Variants in PRKCZ observed in about 807,000 individuals in gnomAD.
PRKCZ encodes the protein protein kinase C zeta type.
A neutral mutation model predicts 79.5 loss-of-function variants in PRKCZ; 33 were observed. The observed-to-expected ratio is 0.41, with a 90% CI of 0.31 to 0.55. The LOEUF is 0.55. Ranked by LOEUF, PRKCZ falls within the 20% of genes least tolerant of loss-of-function variation. The pLI, the probability that PRKCZ is intolerant of heterozygous loss-of-function variation, is 0.19. For missense variants in PRKCZ, 578 were observed against 813.5 expected (o/e 0.71, Z 3.52); for synonymous variants, 342 against 320.9 (o/e 1.07, Z -0.70).
In PRKCZ at chr1:2,055,465, C is replaced by T. The variant is rs765678066; in HGVS notation, c.96C>T (p.Asp32=). 3.0e-5 allele frequency: 49 copies of T among 1,613,478 alleles called. No homozygotes were observed. Among genetic ancestry groups the T allele is most frequent in the Middle Eastern group, 1.6e-4 (1 of 6,080 alleles). The change falls in exon 2 of 18, where the codon GAC becomes GAT. Residue 32 remains aspartate (D), a synonymous_variant. Transcript: ENST00000378567. ...GGGACATCTTCATCACCAGCGTGGA[C>T]GCCGCCACGACCTTCGAGGAGCTCT... ...YGGDIFITSV[D]AATTFEELCE... is the part of the protein sequence containing the mutation.
intron 4 of PRKCZ, chr1:2,098,558 G>A (rs1666920827): frequency 8.8e-6 from 1 of 114,228 alleles, no homozygotes; most frequent in South Asian, 2.8e-4. Context: ...TGAGGCTGGT[G>A]AGAGGGTGCC....
chr1:2,099,574 C>T (rs527831229), intron 4 of PRKCZ, among the ~76,000 whole-genome samples: 6 of 152,246 alleles, frequency 3.9e-5, no homozygotes, highest in South Asian at 2.1e-4. Context: ...GGACTGTACC[C>T]GGAGGGAGGG....
At chr1:2,091,433 A>G (rs1056733983) in intron 4 of PRKCZ, among the ~76,000 whole-genome samples, 2 of 152,234 alleles carry the variant, frequency 1.3e-5, no homozygotes, top group African/African-American at 4.8e-5. Context: ...TTCATGCTGC[A>G]CAGCCAATCT....
chr1:2,142,625 T>C, intron 5 of PRKCZ: 1 of 209,706 alleles, frequency 4.8e-6, no homozygotes, highest in South Asian at 5.5e-5. Flanking sequence ...GGTGTGGCTC[T>C]GTCATGGCTG....
intron 3 of PRKCZ, among the ~76,000 whole-genome samples, chr1:2,058,274 AT>A (rs1267533389): frequency 6.8e-6 from 1 of 148,088 alleles, no homozygotes; most frequent in African/African-American, 2.5e-5. Flanking sequence ...AAGTGTTGGG[AT>A]TACAGGCGTG....
intron 4 of PRKCZ, among the ~76,000 whole-genome samples, chr1:2,087,703 A>C (rs1664771958): frequency 6.6e-6 from 1 of 151,888 alleles, no homozygotes; most frequent in African/African-American, 2.4e-5. Flanking sequence ...AATGAATAAC[A>C]GGTGGTTTTG....
At chr1:2,079,795 G>A (rs964990092) in intron 4 of PRKCZ, among the ~76,000 whole-genome samples, 1 of 152,112 alleles carries the variant, frequency 6.6e-6, no homozygotes, top group African/African-American at 2.4e-5. Context: ...GCGGCTTCCT[G>A]GGCCCCTGGT....
rs550986963 is a variant in PRKCZ, at chr1:2,102,160, A to G, written c.335-33102A>G. On this transcript the variant is annotated intron_variant, in intron 4 of 17. Transcript: ENST00000378567. ...GGAGCAGCCACATGCCAGAGCGGGT[A>G]GGCAGCCCCTGGTGCCTGCCTGGCC... Among the ~76,000 whole-genome samples, 245 of 152,254 alleles carry G rather than the reference A, an allele frequency of 1.6e-3. 1 individual carries two copies. Among genetic ancestry groups the G allele is most frequent in the African/African-American group, 5.4e-3 (223 of 41,556 alleles).
At chr1:2,074,143 G>A (rs1038413089) in intron 4 of PRKCZ, 2 of 1,541,954 alleles carry the variant, frequency 1.3e-6, no homozygotes, top group Non-Finnish European at 1.8e-6. Context: ...GCAGCTCCCA[G>A]CAATGTCAGG....
chr1:2,055,700 TC>T, intron 2 of PRKCZ, 138 bp downstream of exon 2: 2 of 1,296,476 alleles, frequency 1.5e-6, no homozygotes, highest in East Asian at 2.6e-5. Context: ...CGCCAACTTT[TC>T]CCCAGTGGGG....
chr1:2,140,656 C>CA (rs1009703783), intron 5 of PRKCZ, among the ~76,000 whole-genome samples: 18 of 147,442 alleles, frequency 1.2e-4, no homozygotes, highest in South Asian at 6.4e-4. Context: ...GACTCCGTCT[C>CA]AAAAAAAAAG....
chr1:2,079,292 C>T (rs576994075), intron 4 of PRKCZ, among the ~76,000 whole-genome samples: 3 of 152,348 alleles, frequency 2.0e-5, no homozygotes, highest in East Asian at 1.9e-4. Context: ...CGAGGCTTCC[C>T]GCGTGTGAAC....
chr1:2,050,474 C>T lies in PRKCZ; in HGVS notation c.-157C>T, dbSNP rs1026072613. 4 of 290,246 alleles carry T rather than the reference C, an allele frequency of 1.4e-5. No individual in the cohort carries two copies. The highest frequency in any genetic ancestry group is 2.3e-5 in the Non-Finnish European group (4 of 170,546). 18.0% of individuals were successfully genotyped at this position (290,246 alleles called of 1,614,324 possible). Reference sequence around the variant, plus strand: ...CCCCGCGCGCCCCCCGCTCCCGCCCCGCGCGCCGCCGGAGTTCCGCGGAGT... The same window carrying T: ...CCCCGCGCGCCCCCCGCTCCCGCCCTGCGCGCCGCCGGAGTTCCGCGGAGT... On this transcript the variant is annotated 5_prime_UTR_variant, in exon 1 of 18. Transcript: ENST00000378567.
Position 2,178,208 on chromosome 1 carries a change from TC to T in PRKCZ, c.1575+2899del. ...GAAGACCCGAACCCACTCCAGCCTC[TC>T]CCCACACCCTGCAGTGGCTGCTCCG... On this transcript the variant is annotated intron_variant, in intron 16 of 17. Transcript: ENST00000378567. The surrounding 1 kb of genome is among the most constrained non-coding windows in gnomAD (Gnocchi z 4.3). Among the ~76,000 whole-genome samples the T allele has an allele frequency of 6.6e-6, 1 of 152,274 alleles. No individual in the cohort carries two copies. Among genetic ancestry groups the T allele is most frequent in the East Asian group, 1.9e-4 (1 of 5,186 alleles).
rs58233626 is a variant in PRKCZ, at chr1:2,117,998, C to CCTTTTTTTTTTTTTTTTTTTT, written c.335-17264_335-17263insCTTTTTTTTTTTTTTTTTTTT. On this transcript the variant is annotated intron_variant, in intron 4 of 17. Coordinates refer to ENST00000378567, the MANE Select transcript of PRKCZ (RefSeq NM_002744.6). ...TATGAGAGAGATTAGCCTATTATTTCTTTTTTTTTTTTTTTTGGAGTCTCA... is the reference window on the plus strand; with the variant it reads ...TATGAGAGAGATTAGCCTATTATTTCCTTTTTTTTTTTTTTTTTTTTTTTTTTTTTTTTTTTTGGAGTCTCA... Among the ~76,000 whole-genome samples the CCTTTTTTTTTTTTTTTTTTTT allele has an allele frequency of 4.8e-4, 31 of 65,084 alleles. 5 individuals carry two copies. Among genetic ancestry groups the CCTTTTTTTTTTTTTTTTTTTT allele is most frequent in the Non-Finnish European group, 5.4e-4 (20 of 36,698 alleles). The allele number at this position is 65,084 out of a possible 152,430, so 42.7% of individuals were successfully genotyped here.
At chr1:2,121,323 G>C (rs1352727018) in intron 4 of PRKCZ, among the ~76,000 whole-genome samples, 2 of 152,226 alleles carry the variant, frequency 1.3e-5, no homozygotes, top group African/African-American at 2.4e-5. Context: ...AAGCGAACAA[G>C]GCGTGTACTT....
rs548764014 is a variant in PRKCZ, at chr1:2,082,760, C to T, written c.334+23169C>T. On this transcript the variant is annotated intron_variant, in intron 4 of 17. Transcript: ENST00000378567. The surrounding 1 kb of genome is among the most constrained non-coding windows in gnomAD (Gnocchi z 4.4). ...CCATTTGTTTTTTTGCCTGAGCGTCCGGGGGTGGCTTTGAGGACACCTGTC... is the reference window on the plus strand; with the variant it reads ...CCATTTGTTTTTTTGCCTGAGCGTCTGGGGGTGGCTTTGAGGACACCTGTC... 6.4e-4 allele frequency among the ~76,000 whole-genome samples: 97 copies of T among 151,834 alleles called. No individual in the cohort carries two copies. The highest frequency in any genetic ancestry group is 2.0e-3 in the African/African-American group (83 of 41,438).
At chr1:2,180,345 G>A (rs1312933647) in intron 16 of PRKCZ, among the ~76,000 whole-genome samples, 8 of 152,164 alleles carry the variant, frequency 5.3e-5, no homozygotes, top group African/African-American at 1.4e-4. Flanking sequence ...ACAGACGCCC[G>A]GACGACGTGG....
At chr1:2,157,412 T>A (rs1433413723) in intron 10 of PRKCZ, among the ~76,000 whole-genome samples, 1 of 152,142 alleles carries the variant, frequency 6.6e-6, no homozygotes, top group Non-Finnish European at 1.5e-5. Flanking sequence ...AGCTTTTTTT[T>A]TTTAATGTGC....
Sources: gnomAD v4.1 joint callset for allele counts (sites outside exome capture counted in the v4.1 genomes callset) on GRCh38, gnomAD v4.1.1 for gene constraint, Gnocchi (gnomAD v3.1) non-coding constraint, MANE v1.5 for transcripts, NCBI Gene and HGNC (gene_info 2026-07-23, HGNC 2026-07-21) for gene names.